RCOR3: variants seen among roughly 807,000 people sequenced by gnomAD.
RCOR3 encodes REST corepressor 3.
In RCOR3, 13 loss-of-function variants were observed where a neutral mutation model predicts 64.1. The observed-to-expected ratio is 0.20, with a 90% CI of 0.13 to 0.32. RCOR3 has a LOEUF of 0.32. Among genes scored for constraint, RCOR3 ranks in the 10% least tolerant of loss-of-function variants. The pLI, the probability that RCOR3 is intolerant of heterozygous loss-of-function variation, is 1.00. For synonymous variants in RCOR3, 215 were observed against 239.0 expected (o/e 0.90, Z 0.93); for missense variants, 489 against 701.2 (o/e 0.70, Z 3.42).
At chr1:211,295,286 TAATA>T (rs772651281) in intron 8 of RCOR3, among the ~76,000 whole-genome samples, 1 of 152,150 alleles carries the variant, frequency 6.6e-6, no homozygotes, top group Non-Finnish European at 1.5e-5. Flanking sequence ...GTTTTATATA[TAATA>T]AATATCTAAT....
At position 211,313,078 on chromosome 1, in the gene RCOR3, A is replaced by G. The variant is rs1456511143; in HGVS notation, c.1317+117A>G. 13 of 1,562,224 alleles carry G rather than the reference A, an allele frequency of 8.3e-6. No homozygotes were observed. The highest frequency in any genetic ancestry group is 4.5e-5 in the East Asian group (2 of 44,484). On this transcript the variant is annotated intron_variant, in intron 11 of 11. Transcript: ENST00000419091. The surrounding 1 kb of genome is among the most constrained non-coding windows in gnomAD (Gnocchi z 4.7). ...CTAAATTGAGCATGAAAGGTTGACA[A>G]TACACTTCTTCAGTGGTGCATCTCT...
chr1:211,293,698 G>A (rs1022122643), intron 8 of RCOR3, among the ~76,000 whole-genome samples: 1 of 152,096 alleles, frequency 6.6e-6, no homozygotes, highest in Non-Finnish European at 1.5e-5. Context: ...AAATCCTCGA[G>A]AATTCAGACT....
intron 7 of RCOR3, among the ~76,000 whole-genome samples, chr1:211,286,225 G>A (rs1304119467): frequency 1.3e-5 from 2 of 150,264 alleles, no homozygotes; most frequent in East Asian, 1.9e-4. Flanking sequence ...CCCTTCATTC[G>A]TGTCCTATTT....
chr1:211,261,620 G>T (rs949884382), intron 2 of RCOR3, among the ~76,000 whole-genome samples: 2 of 152,110 alleles, frequency 1.3e-5, no homozygotes, highest in Non-Finnish European at 2.9e-5. Flanking sequence ...GCACATTTTG[G>T]CTTTAAGAGA....
intron 2 of RCOR3, among the ~76,000 whole-genome samples, chr1:211,268,446 C>A (rs1308605785): frequency 1.6e-5 from 2 of 122,614 alleles, no homozygotes; most frequent in African/African-American, 3.1e-5. Flanking sequence ...ATGGTGTGAT[C>A]TCGGCTCACC....
intron 2 of RCOR3, among the ~76,000 whole-genome samples, chr1:211,268,880 A>G (rs1354063731): frequency 1.3e-5 from 2 of 152,152 alleles, no homozygotes; most frequent in African/African-American, 2.4e-5. Context: ...TTTAAGATAA[A>G]TTTATATTTT....
intron 2 of RCOR3, chr1:211,261,182 A>T (rs1283656788): frequency 1.3e-5 from 2 of 152,142 alleles, no homozygotes; most frequent in Admixed American, 6.5e-5. Flanking sequence ...TCTATGTTAG[A>T]TATTAAAGAG....
At chr1:211,292,577 A>G (rs1485780475) in intron 8 of RCOR3, among the ~76,000 whole-genome samples, 4 of 152,154 alleles carry the variant, frequency 2.6e-5, no homozygotes, top group Non-Finnish European at 2.9e-5. Context: ...AAAGGTTTGC[A>G]CTCATGGGTT....
intron 7 of RCOR3, among the ~76,000 whole-genome samples, chr1:211,280,359 TA>T (rs1697606884): frequency 6.6e-6 from 1 of 152,224 alleles, no homozygotes; most frequent in Non-Finnish European, 1.5e-5. Context: ...ATATTACAGT[TA>T]CTGTATTTTG....
At chr1:211,264,474 G>C (rs1207220086) in intron 2 of RCOR3, among the ~76,000 whole-genome samples, 1 of 152,090 alleles carries the variant, frequency 6.6e-6, no homozygotes, top group Non-Finnish European at 1.5e-5. Context: ...TTGAGCCCAG[G>C]AGTTTGAGAC....
At chr1:211,264,087 T>G (rs978288061) in intron 2 of RCOR3, among the ~76,000 whole-genome samples, 4 of 152,186 alleles carry the variant, frequency 2.6e-5, no homozygotes, top group African/African-American at 7.2e-5. Context: ...CCTCCCAAAG[T>G]GTTGGGATTA....
At chr1:211,260,278 C>A in intron 2 of RCOR3, 114 bp downstream of exon 2, 1 of 912,274 alleles carries the variant, frequency 1.1e-6, no homozygotes, top group Non-Finnish European at 1.7e-6. Context: ...TTGGGCTGGG[C>A]AGGCATCCGT....
chr1:211,279,343 T>C (rs888896832), intron 7 of RCOR3, 27 bp downstream of exon 7: 1 of 1,487,232 alleles, frequency 6.7e-7, no homozygotes, highest in Non-Finnish European at 9.3e-7. Context: ...GAAGTACTTG[T>C]GATTGTTCTA....
chr1:211,310,808 A>G (rs554787758), intron 10 of RCOR3, among the ~76,000 whole-genome samples: 1 of 152,336 alleles, frequency 6.6e-6, no homozygotes, highest in East Asian at 1.9e-4. Context: ...AGTCAGAGTT[A>G]GTTTTAATGT....
intron 7 of RCOR3, among the ~76,000 whole-genome samples, chr1:211,288,505 T>G (rs1357011072): frequency 7.5e-5 from 1 of 13,414 alleles, no homozygotes; most frequent in East Asian, 0.014. Context: ...ATAAATTATT[T>G]TATAAATATA....
chr1:211,308,187 C>T lies in RCOR3; in HGVS notation c.1075+4047C>T, dbSNP rs117120332. On this transcript the variant is annotated intron_variant, in intron 10 of 11. Coordinates refer to ENST00000419091, the MANE Select transcript of RCOR3 (RefSeq NM_001136223.3). ...GATTATTTTTCTATTATAACAGACA[C>T]CATAAGAACGGAGGTTCAAAAGTAT... Among the ~76,000 whole-genome samples, 529 of 152,274 alleles carry T rather than the reference C, an allele frequency of 3.5e-3. 14 individuals are homozygous for T. The East Asian group carries it at 0.068, about 20-fold the overall frequency.
chr1:211,300,917 C>CGT (rs1055057869), intron 9 of RCOR3, among the ~76,000 whole-genome samples: 2 of 151,172 alleles, frequency 1.3e-5, no homozygotes, highest in African/African-American at 4.9e-5. Flanking sequence ...TGCGTGCGTG[C>CGT]GTGTGTGTGT....
At chr1:211,291,766 C>A (rs902279860) in intron 8 of RCOR3, among the ~76,000 whole-genome samples, 1 of 152,148 alleles carries the variant, frequency 6.6e-6, no homozygotes, top group African/African-American at 2.4e-5. Flanking sequence ...ATTCTCCAAC[C>A]CTTTCTAATC....
At chr1:211,298,038 C>G (rs1167524390) in intron 9 of RCOR3, among the ~76,000 whole-genome samples, 1 of 152,136 alleles carries the variant, frequency 6.6e-6, no homozygotes, top group Admixed American at 6.5e-5. Context: ...AGTCCATTCA[C>G]TTCCACAAGT....
Sources: allele counts gnomAD v4.1 joint callset (sites outside exome capture counted in the v4.1 genomes callset), GRCh38; gene constraint gnomAD v4.1.1; non-coding constraint Gnocchi (gnomAD v3.1); transcripts MANE v1.5; gene names NCBI Gene and HGNC (gene_info 2026-07-23, HGNC 2026-07-21).